GPC5: variants seen among roughly 807,000 people sequenced by gnomAD.
The protein encoded by GPC5 is glypican 5.
Under a neutral mutation model 53.9 loss-of-function variants are expected in GPC5, and 47 were observed. The observed-to-expected ratio is 0.87, with a 90% CI of 0.69 to 1.11. The LOEUF (loss-of-function observed/expected upper bound fraction) is 1.11. GPC5 is among the 50% of genes most tolerant of loss of function. The pLI, the probability that GPC5 is intolerant of heterozygous loss-of-function variation, is 0.00. For missense variants in GPC5, 748 were observed against 713.1 expected, an observed-to-expected ratio of 1.05 and a Z score of -0.56; for synonymous variants, 286 against 263.3, an observed-to-expected ratio of 1.09 and a Z score of -0.84.
At chr13:92,402,322 A>G (rs552054759) in intron 7 of GPC5, among the ~76,000 whole-genome samples, 1 of 152,266 alleles carries the variant, frequency 6.6e-6, no homozygotes, top group African/African-American at 2.4e-5. Flanking sequence ...ATAATAACAA[A>G]CTCGTAAATA....
intron 6 of GPC5, among the ~76,000 whole-genome samples, chr13:92,068,796 A>G (rs2041187246): frequency 6.6e-6 from 1 of 151,720 alleles, no homozygotes; most frequent in Non-Finnish European, 1.5e-5. Context: ...TTTTTAATTT[A>G]TTGTACTTTT....
At chr13:92,530,038 G>A (rs768586121) in intron 7 of GPC5, among the ~76,000 whole-genome samples, 7 of 152,234 alleles carry the variant, frequency 4.6e-5, no homozygotes, top group South Asian at 2.1e-4. Flanking sequence ...AGCTCTCATC[G>A]TGCCACTGCA....
At chr13:92,249,098 T>C (rs2042673938) in intron 7 of GPC5, among the ~76,000 whole-genome samples, 1 of 152,142 alleles carries the variant, frequency 6.6e-6, no homozygotes, top group Non-Finnish European at 1.5e-5. Context: ...GATACAGGCA[T>C]ATGATATGTA....
At chr13:92,471,818 C>A (rs2139422639) in intron 7 of GPC5, among the ~76,000 whole-genome samples, 1 of 152,120 alleles carries the variant, frequency 6.6e-6, no homozygotes, top group Non-Finnish European at 1.5e-5. Context: ...GAAGCTCAGG[C>A]ATTTGCATGC....
chr13:91,792,976 G>A (rs1566264895), intron 5 of GPC5, among the ~76,000 whole-genome samples: 1 of 152,156 alleles, frequency 6.6e-6, no homozygotes, highest in East Asian at 1.9e-4. Flanking sequence ...CCATCTTTTC[G>A]AGGCCATTCA....
chr13:92,813,059 C>A (rs746956960), intron 7 of GPC5, among the ~76,000 whole-genome samples: 1 of 151,768 alleles, frequency 6.6e-6, no homozygotes, highest in East Asian at 1.9e-4. Flanking sequence ...TTTTAAATAC[C>A]GGCCTTTCGA....
At chr13:91,907,349 C>G (rs901847787) in intron 5 of GPC5, among the ~76,000 whole-genome samples, 2 of 147,020 alleles carry the variant, frequency 1.4e-5, no homozygotes, top group African/African-American at 2.5e-5. Flanking sequence ...AGTTTAATCA[C>G]TTATTACTTG....
rs148296820 is a variant in GPC5 at position 91,447,784 on chromosome 13, C to T, written c.164-977C>T. 7.7e-3 allele frequency among the ~76,000 whole-genome samples: 1,170 copies of T among 152,100 alleles called. 10 individuals carry two copies. Among genetic ancestry groups the T allele is most frequent in the Non-Finnish European group, 0.013 (869 of 67,992 alleles). On this transcript the variant is annotated intron_variant, in intron 1 of 7. Transcript: ENST00000377067. ...TGAAACTCACAGAGATTAAGGGCCA[C>T]AATTCTTCTTGTTATTCTAAAGTAA...
intron 2 of GPC5, among the ~76,000 whole-genome samples, chr13:91,451,848 C>T (rs560500986): frequency 6.6e-6 from 1 of 151,760 alleles, no homozygotes; most frequent in South Asian, 2.1e-4. Flanking sequence ...GAACTTCTGA[C>T]CTCATGATCT....
At chr13:91,971,388 T>C (rs1435004514) in intron 6 of GPC5, among the ~76,000 whole-genome samples, 2 of 152,146 alleles carry the variant, frequency 1.3e-5, no homozygotes, top group African/African-American at 4.8e-5. Flanking sequence ...TAGCGGTCTA[T>C]CAATTTTGTT....
intron 7 of GPC5, among the ~76,000 whole-genome samples, chr13:92,349,521 C>G (rs576009379): frequency 6.7e-6 from 1 of 149,742 alleles, no homozygotes; most frequent in Non-Finnish European, 1.5e-5. Context: ...GCTGTATTAA[C>G]GAGAAAAAAG....
At chr13:91,956,001 G>A (rs117005955) in intron 6 of GPC5, among the ~76,000 whole-genome samples, 2 of 152,264 alleles carry the variant, frequency 1.3e-5, no homozygotes, top group East Asian at 3.9e-4. Context: ...CCTGCCTACA[G>A]TACATCTGCT....
intron 5 of GPC5, among the ~76,000 whole-genome samples, chr13:91,763,265 T>C (rs771436799): frequency 3.9e-5 from 6 of 152,134 alleles, no homozygotes; most frequent in Non-Finnish European, 7.3e-5. Context: ...TGGATGCTGA[T>C]TTTTTCTCCC....
rs567009323 is a variant in GPC5, at chr13:91,437,935, T to C, written c.164-10826T>C. On this transcript the variant is annotated intron_variant, in intron 1 of 7. Transcript: ENST00000377067. ...CATTTGATCTTCCATCACTGGTACC[T>C]TTTCTTCCAGTTGATCACATCGGCT... Among the ~76,000 whole-genome samples, 36 of 152,314 alleles carry C rather than the reference T, an allele frequency of 2.4e-4. No individual in the cohort carries two copies. The South Asian group carries it at 7.5e-3, about 32-fold the overall frequency.
chr13:92,610,770 G>A (rs1322876295), intron 7 of GPC5, among the ~76,000 whole-genome samples: 9 of 152,076 alleles, frequency 5.9e-5, no homozygotes, highest in African/African-American at 2.2e-4. Context: ...TGGCAGGAAG[G>A]AGAATTGCCA....
chr13:92,367,777 A>C (rs930426147), intron 7 of GPC5, among the ~76,000 whole-genome samples: 4 of 152,286 alleles, frequency 2.6e-5, no homozygotes, highest in Admixed American at 6.5e-5. Flanking sequence ...TTTGTGAAAA[A>C]CACAATTTCC....
intron 7 of GPC5, among the ~76,000 whole-genome samples, chr13:92,372,979 C>T (rs1470760551): frequency 1.3e-5 from 2 of 152,120 alleles, no homozygotes; most frequent in African/African-American, 4.8e-5. Context: ...TAAATTATAT[C>T]ACTTTGGGAT....
rs1190815171 is a variant in GPC5, at chr13:92,465,260, T to C, written c.1561+320271T>C. ...CAATTTTTATAGCATACAATTTTTA[T>C]AGCAAATATAGAAGCATTTTATGCA... On this transcript the variant is annotated intron_variant, in intron 7 of 7. Coordinates refer to ENST00000377067, the MANE Select transcript of GPC5 (RefSeq NM_004466.6). 5.3e-5 allele frequency among the ~76,000 whole-genome samples: 8 copies of C among 152,202 alleles called. No individual in the cohort carries two copies. The East Asian group carries it at 1.5e-3, about 29-fold the overall frequency.
intron 7 of GPC5, among the ~76,000 whole-genome samples, chr13:92,177,762 A>C (rs571509858): frequency 5.9e-5 from 9 of 152,336 alleles, no homozygotes; most frequent in African/African-American, 2.2e-4. Flanking sequence ...TCTTTTAAAC[A>C]TTCCTACCTT....
Sources: gnomAD v4.1 joint callset for allele counts (sites outside exome capture counted in the v4.1 genomes callset) on GRCh38, gnomAD v4.1.1 for gene constraint, MANE v1.5 for transcripts, NCBI Gene and HGNC (gene_info 2026-07-23, HGNC 2026-07-21) for gene names.